Variants in CDH11 observed in about 807,000 individuals in gnomAD.
CDH11 encodes cadherin 11.
A neutral mutation model predicts 67.8 loss-of-function variants in CDH11; 11 were observed. The ratio of observed to expected loss-of-function variants is 0.16; its 90% CI spans 0.10 to 0.27. The LOEUF is 0.27. Ranked by LOEUF, CDH11 falls within the 10% of genes least tolerant of loss-of-function variation. CDH11 has a pLI of 1.00. For synonymous variants in CDH11, 419 were observed against 400.0 expected (o/e 1.05, Z -0.57); for missense variants, 847 against 1,031.2 (o/e 0.82, Z 2.45).
chr16:65,038,159 C>T (rs542673567), intron 2 of CDH11, among the ~76,000 whole-genome samples: 31 of 151,936 alleles, frequency 2.0e-4, no homozygotes, highest in Admixed American at 2.0e-4. Context: ...CTAGGCTTCC[C>T]GAATGCAGTC....
rs374761651 is a variant in CDH11 at position 64,976,614 on chromosome 16, G to T, written c.1254-3574C>A. ...TCAAGCCTGTAATCCCAGCACTTTGGGAGGCCAAGGTGGGCGGATCACCAG... is the reference window on the plus strand; with the variant it reads ...TCAAGCCTGTAATCCCAGCACTTTGTGAGGCCAAGGTGGGCGGATCACCAG... On this transcript the variant is annotated intron_variant, in intron 8 of 12. Transcript: ENST00000268603. 9.2e-5 allele frequency among the ~76,000 whole-genome samples: 14 copies of T among 152,282 alleles called. No individual in the cohort carries two copies. The East Asian group carries it at 2.3e-3, about 25-fold the overall frequency.
At chr16:65,101,071 T>A (rs952219481) in intron 1 of CDH11, among the ~76,000 whole-genome samples, 2 of 152,236 alleles carry the variant, frequency 1.3e-5, no homozygotes, top group Non-Finnish European at 2.9e-5. Context: ...GTGTAGGCTA[T>A]ATTCTTCCAG....
In CDH11 at chr16:64,947,877, G is replaced by C; in HGVS notation, c.2117C>G (p.Pro706Arg). 1 of 1,614,196 alleles carries C rather than the reference G, an allele frequency of 6.2e-7. No homozygotes were observed. Among genetic ancestry groups the C allele is most frequent in the Non-Finnish European group, 8.5e-7 (1 of 1,180,024 alleles). The stretch of plus-strand genomic sequence containing the variant: ...GCTGTTGGGCGCTGGCCGGAGCCCA[G>C]GTCTAGGCATGTACTGATACTCAGG... ...IKPEYQYMPR[P>R]GLRPAPNSVD... Residue 706 changes from proline to arginine, a missense_variant, in exon 13 of 13, where the codon CCT becomes CGT. Pro to Arg is a moderately radical substitution (Grantham distance 103, BLOSUM62 -2). Around this residue, in one of 2 missense-constraint regions of CDH11, gnomAD observed 612 missense variants for 678.7 expected, o/e 0.90. Transcript: ENST00000268603.
At chr16:65,122,228 C>T, upstream of CDH11, 1 of 501,032 alleles carries the variant, frequency 2.0e-6, no homozygotes, top group Non-Finnish European at 3.5e-6. Flanking sequence ...GCGAGATGGG[C>T]CTCGCAGAGG....
chr16:65,109,044 G>A (rs182973520), intron 1 of CDH11, among the ~76,000 whole-genome samples: 1 of 152,288 alleles, frequency 6.6e-6, no homozygotes, highest in East Asian at 1.9e-4. Context: ...CTACTTGGGA[G>A]GTTGAGGCAA....
At chr16:65,099,596 T>C (rs1334268066) in intron 1 of CDH11, among the ~76,000 whole-genome samples, 1 of 152,180 alleles carries the variant, frequency 6.6e-6, no homozygotes, top group African/African-American at 2.4e-5. Context: ...GTGTCTTTGT[T>C]ACTGTCACCT....
At chr16:64,992,417 T>C (rs976812491) in intron 5 of CDH11, among the ~76,000 whole-genome samples, 17 of 152,194 alleles carry the variant, frequency 1.1e-4, no homozygotes, top group African/African-American at 4.1e-4. Flanking sequence ...ACCAAATCGG[T>C]TAAAATATAT....
chr16:64,993,196 A>ACCTACCTTCCTTCCTT (rs1555516114), intron 4 of CDH11, among the ~76,000 whole-genome samples, 162 bp from the exon 5 acceptor site: 5 of 147,214 alleles, frequency 3.4e-5, no homozygotes, highest in Admixed American at 6.9e-5. Context: ...CAGCCAACCA[A>ACCTACCTTCCTTCCTT]CCTTCCTTCC....
chr16:64,976,367 C>A (rs35221), intron 8 of CDH11, among the ~76,000 whole-genome samples: 15 of 151,904 alleles, frequency 9.9e-5, no homozygotes, highest in Admixed American at 9.8e-4. Context: ...AAAGGAAATT[C>A]TGAACAAAAA....
intron 11 of CDH11, among the ~76,000 whole-genome samples, chr16:64,952,265 T>C (rs890414524): frequency 2.6e-5 from 4 of 152,234 alleles, no homozygotes; most frequent in Non-Finnish European, 5.9e-5. Context: ...ACTGTATATT[T>C]GTATAGAAAT....
chr16:65,042,425 A>G (rs903140726), intron 2 of CDH11, among the ~76,000 whole-genome samples: 28 of 152,138 alleles, frequency 1.8e-4, no homozygotes, highest in Admixed American at 3.9e-4. Flanking sequence ...GAATCCTGAA[A>G]GGTGTGTGAG....
chr16:64,998,720 G>A lies in CDH11; in HGVS notation c.365C>T (p.Ala122Val). The A allele has an allele frequency of 6.2e-7, 1 of 1,614,120 alleles. No homozygotes were observed. The change falls in exon 4 of 13, where the codon GCC becomes GTC. Residue 122 changes from alanine (A) to valine (V), a missense_variant. Ala to Val is a moderately conservative substitution (Grantham distance 64, BLOSUM62 0). This residue lies in a region of CDH11 where 235 missense variants were observed against 352.5 expected (regional missense o/e 0.67). Transcript: ENST00000268603. ...ATKTLDREERAQYTLMAQAVD... is the reference protein window; with the variant it reads ...ATKTLDREERVQYTLMAQAVD... ...CGCCTGAGCCATCAACGTGTACTGG[G>A]CTCTCTCTTCTCGATCCAACGTCTT...
intron 1 of CDH11, among the ~76,000 whole-genome samples, chr16:65,108,563 T>C (rs1398763578): frequency 6.6e-6 from 1 of 152,206 alleles, no homozygotes; most frequent in Non-Finnish European, 1.5e-5. Context: ...CCTTTACTAC[T>C]GGAATATTTT....
chr16:65,021,487 A>T (rs569554177), intron 2 of CDH11, among the ~76,000 whole-genome samples: 5 of 152,072 alleles, frequency 3.3e-5, no homozygotes, highest in African/African-American at 1.2e-4. Flanking sequence ...TCTGAGAAGA[A>T]AAAAGCTTTT....
intron 2 of CDH11, among the ~76,000 whole-genome samples, chr16:65,013,076 G>T (rs2073215273): frequency 6.6e-6 from 1 of 152,192 alleles, no homozygotes; most frequent in Non-Finnish European, 1.5e-5. Flanking sequence ...ATGCATATCT[G>T]CAGGGGCTTG....
chr16:64,968,760 T>C (rs928233656), intron 11 of CDH11, among the ~76,000 whole-genome samples: 2 of 152,210 alleles, frequency 1.3e-5, no homozygotes, highest in Non-Finnish European at 2.9e-5. Context: ...CTCAGCATGA[T>C]ATAAACCATT....
intron 1 of CDH11, among the ~76,000 whole-genome samples, chr16:65,057,181 G>A (rs938577068): frequency 3.3e-5 from 5 of 152,140 alleles, no homozygotes; most frequent in African/African-American, 1.2e-4. Context: ...TGGCTGGAAT[G>A]TTCATTTTCC....
At chr16:65,099,621 A>G (rs2074956155) in intron 1 of CDH11, among the ~76,000 whole-genome samples, 1 of 152,204 alleles carries the variant, frequency 6.6e-6, no homozygotes, top group Non-Finnish European at 1.5e-5. Context: ...AAAATATCTC[A>G]GCATCAATAA....
At chr16:64,974,227 C>T (rs921917573) in intron 8 of CDH11, among the ~76,000 whole-genome samples, 3 of 152,072 alleles carry the variant, frequency 2.0e-5, no homozygotes, top group Non-Finnish European at 4.4e-5. Context: ...TATACTAACT[C>T]CAAAATAGAA....
Sources: allele counts gnomAD v4.1 joint callset (sites outside exome capture counted in the v4.1 genomes callset), GRCh38; gene constraint gnomAD v4.1.1; regional missense constraint gnomAD v4.1.1; transcripts MANE v1.5; gene names NCBI Gene and HGNC (gene_info 2026-07-23, HGNC 2026-07-21).